BMPR1A: variants seen among roughly 807,000 people sequenced by gnomAD.
BMPR1A encodes the protein bone morphogenetic protein receptor type 1A.
BMPR1A carries 7 observed loss-of-function variants against 66.0 expected under a neutral mutation model. The ratio of observed to expected loss-of-function variants is 0.11; its 90% CI spans 0.06 to 0.20. BMPR1A has a LOEUF of 0.20. Ranked by LOEUF, BMPR1A falls within the 10% of genes least tolerant of loss-of-function variation. The pLI, the probability that BMPR1A is intolerant of heterozygous loss-of-function variation, is 1.00. For missense variants in BMPR1A, 408 were observed against 669.1 expected, an observed-to-expected ratio of 0.61 and a Z score of 4.31; for synonymous variants, 200 against 229.7, an observed-to-expected ratio of 0.87 and a Z score of 1.17.
At chr10:86,920,127 T>G (rs1338178300) in intron 10 of BMPR1A, among the ~76,000 whole-genome samples, 1 of 152,236 alleles carries the variant, frequency 6.6e-6, no homozygotes, top group Non-Finnish European at 1.5e-5. Context: ...CAGTTGATTA[T>G]GAAAAGGTTT....
chr10:86,819,763 G>A (rs1430928023), intron 1 of BMPR1A, among the ~76,000 whole-genome samples: 1 of 152,210 alleles, frequency 6.6e-6, no homozygotes, highest in Non-Finnish European at 1.5e-5. Context: ...ATTACCGGTA[G>A]GGTAACAGTC....
chr10:86,816,864 C>T (rs971567262), intron 1 of BMPR1A, among the ~76,000 whole-genome samples: 3 of 152,138 alleles, frequency 2.0e-5, no homozygotes, highest in Non-Finnish European at 4.4e-5. Context: ...ACCCAAGATA[C>T]ACCAGACACT....
Position 86,906,681 on chromosome 10 carries a change from G to A in BMPR1A, c.531-5559G>A, listed in dbSNP as rs538982513. On this transcript the variant is annotated intron_variant, in intron 7 of 12. Coordinates refer to ENST00000372037, the MANE Select transcript of BMPR1A (RefSeq NM_004329.3). ...GGAGCTTGCAGTGAGCCGACATCGC[G>A]CCACTGCACTCCAGCCTGGGCGACA... Among the ~76,000 whole-genome samples, 13 of 32,148 alleles carry A rather than the reference G, an allele frequency of 4.0e-4. 5 individuals are homozygous for A. The East Asian group carries it at 0.045, about 110-fold the overall frequency. 21.1% of individuals were successfully genotyped at this position (32,148 alleles called of 152,430 possible). A position where few individuals can be genotyped will look rare whatever the true frequency, so the allele number is the denominator to read the frequency against.
intron 3 of BMPR1A, among the ~76,000 whole-genome samples, chr10:86,882,518 A>G (rs975762481): frequency 1.5e-4 from 23 of 152,146 alleles, no homozygotes; most frequent in African/African-American, 5.3e-4. Context: ...TCAAACGGAT[A>G]ATGGTGGTTA....
At chr10:86,797,068 C>CTTTTTTTTTTTTTTTTTTTTTTTTTTTT (rs780930060) in intron 1 of BMPR1A, among the ~76,000 whole-genome samples, 10 of 105,038 alleles carry the variant, frequency 9.5e-5, no homozygotes, top group Non-Finnish European at 1.4e-4. Flanking sequence ...CTTTTCTTTT[C>CTTTTTTTTTTTTTTTTTTTTTTTTTTTT]TTTTTTTTTT....
At chr10:86,780,437 C>T (rs541390624) in intron 1 of BMPR1A, among the ~76,000 whole-genome samples, 246 of 152,060 alleles carry the variant, frequency 1.6e-3, no homozygotes, top group Non-Finnish European at 1.7e-3. Context: ...TTTATCATTT[C>T]AAATCTTTTT....
At chr10:86,824,000 T>C (rs1229813469) in intron 1 of BMPR1A, among the ~76,000 whole-genome samples, 2 of 151,876 alleles carry the variant, frequency 1.3e-5, no homozygotes, top group African/African-American at 2.4e-5. Flanking sequence ...TCATGTTGAT[T>C]ACATGTTTCT....
intron 1 of BMPR1A, among the ~76,000 whole-genome samples, chr10:86,821,159 A>C (rs1437889909): frequency 1.3e-5 from 2 of 152,220 alleles, no homozygotes; most frequent in Non-Finnish European, 2.9e-5. Context: ...TAGTTACACG[A>C]AGTGGCGGTG....
chr10:86,843,168 A>C (rs906279138), intron 2 of BMPR1A, among the ~76,000 whole-genome samples: 4 of 152,130 alleles, frequency 2.6e-5, no homozygotes, highest in Admixed American at 1.3e-4. Flanking sequence ...ATTTTCTTCT[A>C]TTCCCCTATG....
At chr10:86,757,970 T>C (rs2132562337) in intron 1 of BMPR1A, among the ~76,000 whole-genome samples, 1 of 152,382 alleles carries the variant, frequency 6.6e-6, no homozygotes, top group East Asian at 1.9e-4. Context: ...TTGCTGGAGT[T>C]GAAAACAACT....
At chr10:86,801,931 G>T (rs1841817418) in intron 1 of BMPR1A, among the ~76,000 whole-genome samples, 1 of 151,996 alleles carries the variant, frequency 6.6e-6, no homozygotes, top group Non-Finnish European at 1.5e-5. Context: ...AGCCAGGATG[G>T]TCTCGATCTC....
At chr10:86,871,793 C>A (rs1484416598) in intron 2 of BMPR1A, among the ~76,000 whole-genome samples, 1 of 146,402 alleles carries the variant, frequency 6.8e-6, no homozygotes, top group Non-Finnish European at 1.5e-5. Flanking sequence ...CAGAGTGAGA[C>A]TCTGCCTCCA....
chr10:86,926,311 G>A lies in BMPR1A; in HGVS notation c.*2592G>A, dbSNP rs1039732320. The stretch of plus-strand genomic sequence containing the variant: ...CTGAGGCGGGTGGATCACAAGGTCA[G>A]GAGTTCAAGACCAGCCTGGCCAACA... On this transcript the variant is annotated 3_prime_UTR_variant, in exon 13 of 13. Coordinates refer to ENST00000372037, the MANE Select transcript of BMPR1A (RefSeq NM_004329.3). 1.0e-4 allele frequency: 16 copies of A among 153,474 alleles called. No individual in the cohort carries two copies. In the Admixed American group the frequency reaches 1.0e-3, roughly 10 times the overall value. The allele number at this position is 153,474 out of a possible 1,614,324, so 9.5% of individuals were successfully genotyped here. A position where few individuals can be genotyped will look rare whatever the true frequency, so the allele number is the denominator to read the frequency against.
At chr10:86,766,186 C>T (rs1027905399) in intron 1 of BMPR1A, among the ~76,000 whole-genome samples, 19 of 151,912 alleles carry the variant, frequency 1.3e-4, no homozygotes, top group African/African-American at 4.6e-4. Context: ...GAGGTGGGAT[C>T]TCACCATGAT....
chr10:86,844,924 C>T (rs185345522), intron 2 of BMPR1A, among the ~76,000 whole-genome samples: 106 of 152,176 alleles, frequency 7.0e-4, no homozygotes, highest in African/African-American at 2.3e-3. Flanking sequence ...TTACAGGCAC[C>T]CGCCACCACG....
intron 1 of BMPR1A, among the ~76,000 whole-genome samples, chr10:86,763,762 G>A (rs573621829): frequency 4.0e-5 from 6 of 150,690 alleles, no homozygotes; most frequent in African/African-American, 1.2e-4. Context: ...TTTTGAAGGT[G>A]AGAAATCTGT....
chr10:86,761,021 A>G (rs1841047731), intron 1 of BMPR1A, among the ~76,000 whole-genome samples: 1 of 152,238 alleles, frequency 6.6e-6, no homozygotes, highest in Admixed American at 6.5e-5. Flanking sequence ...AAATGGATGC[A>G]TCTTAGAATT....
intron 1 of BMPR1A, among the ~76,000 whole-genome samples, chr10:86,812,112 G>T (rs1264168106): frequency 2.6e-5 from 4 of 151,718 alleles, no homozygotes; most frequent in Non-Finnish European, 4.4e-5. Context: ...ACAGTTCTAT[G>T]AATTTTAACA....
intron 1 of BMPR1A, among the ~76,000 whole-genome samples, chr10:86,789,924 A>C (rs186149028): frequency 2.6e-5 from 4 of 151,046 alleles, no homozygotes; most frequent in African/African-American, 4.9e-5. Context: ...TGGGAGGCCG[A>C]GGAGGGCAGA....
Sources: allele counts gnomAD v4.1 joint callset (sites outside exome capture counted in the v4.1 genomes callset), GRCh38; gene constraint gnomAD v4.1.1; transcripts MANE v1.5; gene names NCBI Gene and HGNC (gene_info 2026-07-23, HGNC 2026-07-21).